Variants in ATP8A2 observed in about 807,000 individuals in gnomAD.
ATP8A2 encodes ATPase phospholipid transporting 8A2.
In ATP8A2, 100 loss-of-function variants were observed where a neutral mutation model predicts 165.6. The observed-to-expected ratio is 0.60, with a 90% CI of 0.51 to 0.71. The LOEUF (loss-of-function observed/expected upper bound fraction) is 0.71, where lower values mean the gene tolerates loss of function less well. Ranked by LOEUF, ATP8A2 falls within the 30% of genes least tolerant of loss-of-function variation. The pLI is 0.00. For synonymous variants in ATP8A2, 543 were observed against 548.8 expected (o/e 0.99, Z 0.15); for missense variants, 1,227 against 1,479.5 (o/e 0.83, Z 2.80).
At chr13:25,951,981 C>A (rs943811004) in intron 33 of ATP8A2, among the ~76,000 whole-genome samples, 1 of 152,130 alleles carries the variant, frequency 6.6e-6, no homozygotes. Context: ...GTTTACATCT[C>A]CTTTGTGCAG....
At chr13:25,481,395 C>G (rs1266847331) in intron 2 of ATP8A2, among the ~76,000 whole-genome samples, 1 of 152,238 alleles carries the variant, frequency 6.6e-6, no homozygotes, top group African/African-American at 2.4e-5. Flanking sequence ...AGGAGCCCTC[C>G]TGAGACTCAA....
intron 24 of ATP8A2, among the ~76,000 whole-genome samples, chr13:25,592,602 G>GA (rs2040118882): frequency 6.6e-6 from 1 of 152,212 alleles, no homozygotes; most frequent in Non-Finnish European, 1.5e-5. Context: ...CACACCCACA[G>GA]TGTCTGTACT....
intron 24 of ATP8A2, among the ~76,000 whole-genome samples, chr13:25,628,766 A>T (rs753803726): frequency 6.6e-6 from 1 of 152,204 alleles, no homozygotes; most frequent in Non-Finnish European, 1.5e-5. Flanking sequence ...GACACCAGTC[A>T]TGATAGATTA....
intron 35 of ATP8A2, among the ~76,000 whole-genome samples, chr13:25,973,842 A>G (rs1955966552): frequency 6.6e-6 from 1 of 152,156 alleles, no homozygotes. Context: ...CGGTTTTTTC[A>G]CAGTACTGGC....
At chr13:25,712,832 T>G (rs894742048) in intron 25 of ATP8A2, among the ~76,000 whole-genome samples, 3 of 151,974 alleles carry the variant, frequency 2.0e-5, no homozygotes, top group Admixed American at 6.6e-5. Flanking sequence ...GGAGAATTGC[T>G]TGAGTAAGAG....
chr13:25,575,606 T>G (rs2138204909), intron 19 of ATP8A2, among the ~76,000 whole-genome samples: 1 of 152,368 alleles, frequency 6.6e-6, no homozygotes, highest in South Asian at 2.1e-4. Context: ...TATAAACTAT[T>G]TTTAATAAGG....
intron 27 of ATP8A2, among the ~76,000 whole-genome samples, chr13:25,792,113 GAAATA>G (rs1477745447): frequency 6.6e-6 from 1 of 152,118 alleles, no homozygotes; most frequent in East Asian, 1.9e-4. Context: ...ACCAGAAAAG[GAAATA>G]AAATAAGTTA....
At chr13:25,831,449 G>A (rs1032499658) in intron 28 of ATP8A2, among the ~76,000 whole-genome samples, 44 of 152,138 alleles carry the variant, frequency 2.9e-4, no homozygotes, top group African/African-American at 1.0e-3. Context: ...TCCTGAACTC[G>A]TGTTCCACCC....
intron 1 of ATP8A2, among the ~76,000 whole-genome samples, chr13:25,394,727 G>C (rs2033363134): frequency 6.6e-6 from 1 of 152,162 alleles, no homozygotes; most frequent in African/African-American, 2.4e-5. Flanking sequence ...AAGGCTTACT[G>C]TCCTTCCCCT....
intron 25 of ATP8A2, among the ~76,000 whole-genome samples, chr13:25,731,201 GAA>G (rs2043620967): frequency 1.4e-5 from 2 of 147,738 alleles, no homozygotes; most frequent in South Asian, 4.2e-4. Flanking sequence ...GAAGGAGAGA[GAA>G]AGAGAGAAAG....
chr13:25,548,121 G>T (rs2038709051), intron 10 of ATP8A2, among the ~76,000 whole-genome samples: 1 of 152,138 alleles, frequency 6.6e-6, no homozygotes, highest in Non-Finnish European at 1.5e-5. Context: ...AGCTACTATG[G>T]AGGCTGAGGC....
chr13:25,695,115 A>C (rs533705125), intron 24 of ATP8A2, among the ~76,000 whole-genome samples: 1 of 151,622 alleles, frequency 6.6e-6, no homozygotes, highest in African/African-American at 2.4e-5. Flanking sequence ...ATACTGTAAT[A>C]AAGCAAGTCA....
intron 25 of ATP8A2, among the ~76,000 whole-genome samples, chr13:25,720,839 T>C (rs1044233073): frequency 6.6e-6 from 1 of 152,176 alleles, no homozygotes; most frequent in African/African-American, 2.4e-5. Flanking sequence ...CAACTTGTCT[T>C]ATTATAGCCT....
At chr13:25,719,943 G>T (rs2043338939) in intron 25 of ATP8A2, among the ~76,000 whole-genome samples, 1 of 152,018 alleles carries the variant, frequency 6.6e-6, no homozygotes, top group South Asian at 2.1e-4. Flanking sequence ...TGTGTCCTGT[G>T]CTTGGAGACA....
At chr13:25,512,116 G>A (rs1419233960) in intron 2 of ATP8A2, among the ~76,000 whole-genome samples, 1 of 151,572 alleles carries the variant, frequency 6.6e-6, no homozygotes, top group Admixed American at 6.6e-5. Flanking sequence ...TCAAGCATCT[G>A]TTTAACAAAG....
Position 25,731,125 on chromosome 13 carries a change from A to AG in ATP8A2, c.2384+31780_2384+31781insG, listed in dbSNP as rs2043614912. Among the ~76,000 whole-genome samples, 4 of 83,584 alleles carry AG rather than the reference A, an allele frequency of 4.8e-5. 1 individual carries two copies. Among genetic ancestry groups the AG allele is most frequent in the Non-Finnish European group, 5.2e-5 (2 of 38,700 alleles). 54.8% of individuals were successfully genotyped at this position (83,584 alleles called of 152,430 possible). ...GAGAGAGAGAGGGAAAGGGAAAAGAAAAGAGAGAGAGAGAGAGAAATAAAA... is the reference window on the plus strand; with the variant it reads ...GAGAGAGAGAGGGAAAGGGAAAAGAAGAAGAGAGAGAGAGAGAGAAATAAAA... On this transcript the variant is annotated intron_variant, in intron 25 of 36. Transcript: ENST00000381655.
At chr13:25,482,122 A>G (rs2036223382) in intron 2 of ATP8A2, among the ~76,000 whole-genome samples, 1 of 152,146 alleles carries the variant, frequency 6.6e-6, no homozygotes. Flanking sequence ...TTGGAGGTAT[A>G]TATAAATATA....
chr13:25,537,976 C>T lies in ATP8A2; in HGVS notation c.508-12C>T. 1 of 1,604,920 alleles carries T rather than the reference C, an allele frequency of 6.2e-7. No individual in the cohort carries two copies. The highest frequency in any genetic ancestry group is 8.5e-7 in the Non-Finnish European group (1 of 1,171,784). The stretch of plus-strand genomic sequence containing the variant: ...CTTTCGTGCCCCTCTGTCCTCATCC[C>T]TGTCTCTCTAGGTGGCAGTGGGAGA... On this transcript the variant is annotated splice_polypyrimidine_tract_variant and intron_variant, in intron 6 of 36. Coordinates refer to ENST00000381655, the MANE Select transcript of ATP8A2 (RefSeq NM_016529.6).
intron 33 of ATP8A2, among the ~76,000 whole-genome samples, chr13:25,868,977 G>C (rs993992250): frequency 6.7e-6 from 1 of 150,324 alleles, no homozygotes; most frequent in Non-Finnish European, 1.5e-5. Context: ...GCTGAGGCAG[G>C]TGAATGGCAT....
Sources: gnomAD v4.1 joint callset for allele counts (sites outside exome capture counted in the v4.1 genomes callset) on GRCh38, gnomAD v4.1.1 for gene constraint, MANE v1.5 for transcripts, NCBI Gene and HGNC (gene_info 2026-07-23, HGNC 2026-07-21) for gene names.